The following DCUN1D4 variants were observed in gnomAD, a reference collection of about 807,000 sequenced individuals.
DCUN1D4 encodes the protein defective in cullin neddylation 1 domain containing 4, also known as DCN1-like protein 4.
In DCUN1D4, 22 loss-of-function variants were observed where a neutral mutation model predicts 47.9. The ratio of observed to expected loss-of-function variants is 0.46; its 90% CI spans 0.33 to 0.66. DCUN1D4 has a LOEUF of 0.66. DCUN1D4 is among the 30% of genes least tolerant of loss of function. The pLI is 0.02. For missense variants in DCUN1D4, 301 were observed against 340.8 expected (o/e 0.88, Z 0.92); for synonymous variants, 121 against 112.2 (o/e 1.08, Z -0.50).
At chr4:51,883,063 A>G (rs1183174740) in intron 5 of DCUN1D4, among the ~76,000 whole-genome samples, 1 of 152,250 alleles carries the variant, frequency 6.6e-6, no homozygotes, top group African/African-American at 2.4e-5. Flanking sequence ...ATTCATATCA[A>G]CACACATATG....
intron 3 of DCUN1D4, among the ~76,000 whole-genome samples, chr4:51,866,978 C>T (rs1726043006): frequency 6.6e-6 from 1 of 152,162 alleles, no homozygotes; most frequent in South Asian, 2.1e-4. Context: ...GGCCTGGATC[C>T]CACACCTGCC....
At chr4:51,886,799 A>G (rs949083515) in intron 6 of DCUN1D4, 161 bp downstream of exon 6, 5 of 610,648 alleles carry the variant, frequency 8.2e-6, no homozygotes, top group Non-Finnish European at 1.4e-5. Flanking sequence ...TTATAAGCAG[A>G]TTCTCCATTC....
At chr4:51,857,273 C>T (rs1724283716) in intron 1 of DCUN1D4, among the ~76,000 whole-genome samples, 1 of 152,096 alleles carries the variant, frequency 6.6e-6, no homozygotes, top group African/African-American at 2.4e-5. Flanking sequence ...CTCCAGTGTA[C>T]TCAGAATCTC....
intron 1 of DCUN1D4, chr4:51,844,950 G>A (rs1281612119): frequency 8.1e-6 from 8 of 985,374 alleles, no homozygotes; most frequent in African/African-American, 3.5e-5. Flanking sequence ...AGTTCCCAGG[G>A]ACGGAGCGAC....
chr4:51,892,044 A>G (rs1730512279), intron 7 of DCUN1D4, among the ~76,000 whole-genome samples, 193 bp downstream of exon 7: 2 of 152,186 alleles, frequency 1.3e-5, no homozygotes, highest in African/African-American at 2.4e-5. Context: ...TAAAGTGTCT[A>G]TATGTGTATT....
At chr4:51,865,256 T>C in intron 3 of DCUN1D4, 1 of 229,014 alleles carries the variant, frequency 4.4e-6, no homozygotes, top group Non-Finnish European at 9.1e-6. Context: ...ACCTCCTACA[T>C]CTATAAAGTG....
At chr4:51,885,519 G>A (rs532451742) in intron 5 of DCUN1D4, among the ~76,000 whole-genome samples, 5 of 140,192 alleles carry the variant, frequency 3.6e-5, no homozygotes, top group African/African-American at 6.3e-5. Context: ...TGTGAAATGC[G>A]GGAGGAGTAG....
At chr4:51,909,196 G>A (rs768050894) in intron 8 of DCUN1D4, among the ~76,000 whole-genome samples, 3 of 152,052 alleles carry the variant, frequency 2.0e-5, no homozygotes, top group Non-Finnish European at 2.9e-5. Flanking sequence ...TATTGATGAT[G>A]GTGGAAGAAG....
At chr4:51,894,150 A>G (rs1475709413) in intron 7 of DCUN1D4, among the ~76,000 whole-genome samples, 3 of 152,160 alleles carry the variant, frequency 2.0e-5, no homozygotes, top group Non-Finnish European at 2.9e-5. Context: ...GTTTAGTGAC[A>G]AGCCTGATCC....
intron 9 of DCUN1D4, among the ~76,000 whole-genome samples, chr4:51,912,788 G>A (rs758422969): frequency 2.0e-4 from 30 of 152,312 alleles, no homozygotes; most frequent in Non-Finnish European, 3.5e-4. Context: ...ACCGGATCTC[G>A]TCAAGTAACC....
intron 1 of DCUN1D4, chr4:51,843,788 C>G: frequency 1.2e-5 from 4 of 329,968 alleles, no homozygotes; most frequent in Non-Finnish European, 1.5e-5. Context: ...GGAAGAAGGG[C>G]TGGTTGGCGG....
At chr4:51,889,229 A>G (rs563854361) in intron 6 of DCUN1D4, among the ~76,000 whole-genome samples, 143 of 152,288 alleles carry the variant, frequency 9.4e-4, no homozygotes, top group African/African-American at 3.3e-3. Flanking sequence ...TGCTAAATAA[A>G]CTCTGATGTG....
intron 1 of DCUN1D4, chr4:51,843,489 C>T: frequency 1.8e-6 from 2 of 1,131,206 alleles, no homozygotes; most frequent in South Asian, 3.8e-5. Flanking sequence ...GCGGGGAGGG[C>T]GGAGGTGAGG....
chr4:51,877,853 A>G lies in DCUN1D4; in HGVS notation c.342A>G (p.Ala114=). The change falls in exon 5 of 11, where the codon GCA becomes GCG. Residue 114 remains alanine, a splice_region_variant and synonymous_variant. Transcript: ENST00000334635. The stretch of plus-strand genomic sequence containing the variant: ...GCTTGGAATGGTTCTATGAATATGC[A>G]GGTAGGTATTCATTTGTATCATCTA... ...KRCLEWFYEY[A]GTDDVVGPEG... is the part of the protein sequence containing the mutation. The G allele has an allele frequency of 6.3e-7, 1 of 1,599,396 alleles. No homozygotes were observed.
At chr4:51,869,139 A>AAC (rs1320700386) in intron 3 of DCUN1D4, among the ~76,000 whole-genome samples, 1 of 147,392 alleles carries the variant, frequency 6.8e-6, no homozygotes, top group African/African-American at 2.6e-5. Context: ...AAAAAAAAAA[A>AAC]AAAAAAGTCA....
chr4:51,874,928 G>A (rs1208845203), intron 4 of DCUN1D4: 3 of 152,194 alleles, frequency 2.0e-5, no homozygotes, highest in African/African-American at 4.8e-5. Flanking sequence ...TGTTAGATTC[G>A]TTTATTTCAA....
Position 51,916,289 on chromosome 4 carries a change from T to C in DCUN1D4, c.*2705T>C, listed in dbSNP as rs537917730. The C allele has an allele frequency of 6.6e-6, 1 of 152,466 alleles. No homozygotes were observed. Among genetic ancestry groups the C allele is most frequent in the East Asian group, 1.9e-4 (1 of 5,176 alleles). The allele number at this position is 152,466 out of a possible 1,614,324, so 9.4% of individuals were successfully genotyped here. A position where few individuals can be genotyped will look rare whatever the true frequency, so the allele number is the denominator to read the frequency against. Reference sequence around the variant, plus strand: ...CTCAAACATCCACTGTAATGTTACATGCACCTTTTTTGAAGCATGAACTCT... The same window carrying C: ...CTCAAACATCCACTGTAATGTTACACGCACCTTTTTTGAAGCATGAACTCT... On this transcript the variant is annotated 3_prime_UTR_variant, in exon 11 of 11. Coordinates refer to ENST00000334635, the MANE Select transcript of DCUN1D4 (RefSeq NM_001040402.3).
At position 51,863,724 on chromosome 4, in the gene DCUN1D4, T is replaced by C; in HGVS notation, c.136+15T>C. On this transcript the variant is annotated intron_variant, in intron 3 of 10. Coordinates refer to ENST00000334635, the MANE Select transcript of DCUN1D4 (RefSeq NM_001040402.3). Reference sequence around the variant, plus strand: ...TCACCAAACAGGTATCTGTAAATGCTAACACTACTTAATTTTAAATAGCTT... The same window carrying C: ...TCACCAAACAGGTATCTGTAAATGCCAACACTACTTAATTTTAAATAGCTT... The C allele has an allele frequency of 2.5e-6, 4 of 1,608,876 alleles. No individual in the cohort carries two copies. The highest frequency in any genetic ancestry group is 3.4e-6 in the Non-Finnish European group (4 of 1,177,294).
At chr4:51,847,814 A>G (rs1379937825) in intron 1 of DCUN1D4, among the ~76,000 whole-genome samples, 3 of 150,996 alleles carry the variant, frequency 2.0e-5, no homozygotes, top group African/African-American at 4.9e-5. Flanking sequence ...TCTCTAGCAG[A>G]CTCTCCTTTC....
Sources: allele counts gnomAD v4.1 joint callset (sites outside exome capture counted in the v4.1 genomes callset), GRCh38; gene constraint gnomAD v4.1.1; transcripts MANE v1.5; gene names NCBI Gene and HGNC (gene_info 2026-07-23, HGNC 2026-07-21).